TRPS1: variants seen among roughly 807,000 people sequenced by gnomAD.
TRPS1 encodes the protein zinc finger transcription factor Trps1.
TRPS1 carries 6 observed loss-of-function variants against 101.2 expected under a neutral mutation model. The observed-to-expected ratio is 0.06, with a 90% CI of 0.03 to 0.12. TRPS1 has a LOEUF of 0.12. Ranked by LOEUF, TRPS1 falls within the 10% of genes least tolerant of loss-of-function variation. The pLI, the probability that TRPS1 is intolerant of heterozygous loss-of-function variation, is 1.00. For missense variants in TRPS1, 1,363 were observed against 1,567.0 expected (o/e 0.87, Z 2.20); for synonymous variants, 578 against 589.8 (o/e 0.98, Z 0.29).
At chr8:115,555,192 TA>T (rs1308566101) in intron 5 of TRPS1, among the ~76,000 whole-genome samples, 2 of 152,154 alleles carry the variant, frequency 1.3e-5, no homozygotes, top group African/African-American at 4.8e-5. Flanking sequence ...ATAATCCAAT[TA>T]AAAAATATAC....
intron 5 of TRPS1, among the ~76,000 whole-genome samples, chr8:115,495,094 C>T (rs1411617206): frequency 6.6e-6 from 1 of 152,086 alleles, no homozygotes; most frequent in Non-Finnish European, 1.5e-5. Context: ...TTCCCTCTAG[C>T]CATGCAGAGG....
At chr8:115,611,694 C>T (rs1818170877) in intron 3 of TRPS1, among the ~76,000 whole-genome samples, 1 of 152,146 alleles carries the variant, frequency 6.6e-6, no homozygotes, top group African/African-American at 2.4e-5. Context: ...GAAACAAAAC[C>T]AGTAAAATCA....
chr8:115,615,768 G>GAAAAAGAAAAAAAT (rs1179638824), intron 3 of TRPS1, among the ~76,000 whole-genome samples: 1 of 151,500 alleles, frequency 6.6e-6, no homozygotes, highest in East Asian at 1.9e-4. Context: ...TCTCCAAAAA[G>GAAAAAGAAAAAAAT]AAAAAGAAAA....
intron 5 of TRPS1, among the ~76,000 whole-genome samples, chr8:115,467,043 G>A (rs1018783744): frequency 2.0e-5 from 3 of 151,982 alleles, no homozygotes; most frequent in Non-Finnish European, 4.4e-5. Flanking sequence ...TCTCACCATA[G>A]GCCTGTTTTG....
chr8:115,426,829 C>T (rs1183724337), intron 5 of TRPS1, among the ~76,000 whole-genome samples: 1 of 152,158 alleles, frequency 6.6e-6, no homozygotes, highest in African/African-American at 2.4e-5. Flanking sequence ...CACATATTAT[C>T]CCAGTTCAGA....
chr8:115,624,652 G>A (rs1290843341), intron 1 of TRPS1, among the ~76,000 whole-genome samples: 1 of 151,714 alleles, frequency 6.6e-6, no homozygotes, highest in Non-Finnish European at 1.5e-5. Flanking sequence ...AAATCTAAAT[G>A]CTTTGCTTTC....
chr8:115,568,133 T>A lies in TRPS1; in HGVS notation c.2700+18868A>T, dbSNP rs1049664609. 3.3e-5 allele frequency among the ~76,000 whole-genome samples: 5 copies of A among 152,184 alleles called. 1 individual carries two copies. The highest frequency in any genetic ancestry group is 1.2e-4 in the African/African-American group (5 of 41,540). On this transcript the variant is annotated intron_variant, in intron 5 of 6. Coordinates refer to ENST00000395715, the MANE Select transcript of TRPS1 (RefSeq NM_014112.5). ...CTAATTCCTGACCCATTACTGTACTTCTTCCCAGAAGGCAGATACCATGTA... is the reference window on the plus strand; with the variant it reads ...CTAATTCCTGACCCATTACTGTACTACTTCCCAGAAGGCAGATACCATGTA...
intron 5 of TRPS1, among the ~76,000 whole-genome samples, chr8:115,436,044 A>ACACACACACACACC (rs1813443800): frequency 6.8e-6 from 1 of 147,796 alleles, no homozygotes; most frequent in African/African-American, 2.5e-5. Context: ...ACACACACAC[A>ACACACACACACACC]TTCAGCTAAG....
At chr8:115,580,803 G>A (rs982291528) in intron 5 of TRPS1, among the ~76,000 whole-genome samples, 1 of 151,966 alleles carries the variant, frequency 6.6e-6, no homozygotes, top group African/African-American at 2.4e-5. Context: ...GGGTGGGAGT[G>A]TAAACTAGGG....
At chr8:115,599,649 A>G (rs911857208) in intron 4 of TRPS1, among the ~76,000 whole-genome samples, 1 of 152,150 alleles carries the variant, frequency 6.6e-6, no homozygotes. Context: ...GGCTCCATCC[A>G]TGTCCCTGCA....
At chr8:115,446,011 G>A (rs542046074) in intron 5 of TRPS1, among the ~76,000 whole-genome samples, 2 of 151,198 alleles carry the variant, frequency 1.3e-5, no homozygotes, top group African/African-American at 2.4e-5. Context: ...TCCCCCTTTC[G>A]AACACTGATC....
At chr8:115,475,809 T>C (rs1419688169) in intron 5 of TRPS1, among the ~76,000 whole-genome samples, 1 of 152,174 alleles carries the variant, frequency 6.6e-6, no homozygotes, top group Non-Finnish European at 1.5e-5. Context: ...CACTCCTATG[T>C]GGGAGGAGTT....
intron 4 of TRPS1, 45 bp from the exon 5 acceptor site, chr8:115,587,649 G>A (rs967241963): frequency 1.2e-6 from 2 of 1,612,406 alleles, no homozygotes; most frequent in South Asian, 1.1e-5. Flanking sequence ...CGTTCTGAAG[G>A]GTTGTTTTAT....
chr8:115,495,167 T>C (rs192181334), intron 5 of TRPS1, among the ~76,000 whole-genome samples: 1 of 152,206 alleles, frequency 6.6e-6, no homozygotes, highest in African/African-American at 2.4e-5. Flanking sequence ...GGAAGCAAAA[T>C]AAACAGAAGT....
At position 115,429,421 on chromosome 8, in the gene TRPS1, C is replaced by A. The variant is rs183079673; in HGVS notation, c.2701-10969G>T. On this transcript the variant is annotated intron_variant, in intron 5 of 6. Coordinates refer to ENST00000395715, the MANE Select transcript of TRPS1 (RefSeq NM_014112.5). ...ACCACCAGATTAGCTCAAGGTAATA[C>A]ATTGTCTTGGGTAGGAAACTGCACT... 8.0e-4 allele frequency among the ~76,000 whole-genome samples: 122 copies of A among 152,252 alleles called. 1 individual carries two copies. Among genetic ancestry groups the A allele is most frequent in the African/African-American group, 2.5e-3 (105 of 41,522 alleles).
At chr8:115,495,497 T>G (rs1253333133) in intron 5 of TRPS1, among the ~76,000 whole-genome samples, 1 of 149,324 alleles carries the variant, frequency 6.7e-6, no homozygotes, top group Non-Finnish European at 1.5e-5. Context: ...ATATATAAAT[T>G]TATATCATAT....
At chr8:115,552,591 T>C (rs1816729980) in intron 5 of TRPS1, among the ~76,000 whole-genome samples, 2 of 152,180 alleles carry the variant, frequency 1.3e-5, no homozygotes, top group South Asian at 4.1e-4. Context: ...ATATATCCCT[T>C]TGTTACAGTA....
intron 5 of TRPS1, among the ~76,000 whole-genome samples, chr8:115,541,167 G>A (rs950112372): frequency 6.6e-6 from 1 of 152,188 alleles, no homozygotes; most frequent in Non-Finnish European, 1.5e-5. Context: ...TGTTACATTA[G>A]AGAACAAAGC....
intron 5 of TRPS1, among the ~76,000 whole-genome samples, chr8:115,548,323 T>C (rs1356106494): frequency 6.6e-6 from 1 of 152,046 alleles, no homozygotes; most frequent in Non-Finnish European, 1.5e-5. Context: ...CATTTTTTTG[T>C]TTTTGTTTTT....
Sources: gnomAD v4.1 joint callset for allele counts (sites outside exome capture counted in the v4.1 genomes callset) on GRCh38, gnomAD v4.1.1 for gene constraint, MANE v1.5 for transcripts, NCBI Gene and HGNC (gene_info 2026-07-23, HGNC 2026-07-21) for gene names.